The following TMPRSS11F variants were observed in gnomAD, a reference collection of about 807,000 sequenced individuals.
TMPRSS11F encodes transmembrane protease serine 11F.
A neutral mutation model predicts 60.2 loss-of-function variants in TMPRSS11F; 47 were observed. That is an observed-to-expected ratio of 0.78 (90% CI 0.62 to 1.00). TMPRSS11F has a LOEUF of 1.00. Among genes scored for constraint, TMPRSS11F ranks in the 50% least tolerant of loss-of-function variants. TMPRSS11F has a pLI of 0.00. For synonymous variants in TMPRSS11F, 166 were observed against 167.3 expected (o/e 0.99, Z 0.06); for missense variants, 519 against 522.9 (o/e 0.99, Z 0.07).
At chr4:68,088,145 C>T (rs1723854390) in intron 3 of TMPRSS11F, among the ~76,000 whole-genome samples, 1 of 151,716 alleles carries the variant, frequency 6.6e-6, no homozygotes, top group African/African-American at 2.4e-5. Flanking sequence ...ATTCAGGAAA[C>T]CCATCTCATG....
chr4:68,121,055 A>G (rs1329569462), intron 1 of TMPRSS11F, among the ~76,000 whole-genome samples: 1 of 152,190 alleles, frequency 6.6e-6, no homozygotes, highest in African/African-American at 2.4e-5. Flanking sequence ...AGAACCTGCA[A>G]TATCTTCAGG....
chr4:68,077,172 G>A (rs1723602445), intron 3 of TMPRSS11F: 1 of 152,254 alleles, frequency 6.6e-6, no homozygotes, highest in African/African-American at 2.4e-5. Flanking sequence ...TATATACCAT[G>A]AGCATACTGG....
intron 3 of TMPRSS11F, among the ~76,000 whole-genome samples, chr4:68,078,108 A>AC (rs1374011136): frequency 2.0e-5 from 3 of 151,916 alleles, no homozygotes; most frequent in African/African-American, 7.3e-5. Flanking sequence ...GCCTTTGGCA[A>AC]CCCCCATCCC....
chr4:68,109,219 C>T (rs1724360325), intron 1 of TMPRSS11F, among the ~76,000 whole-genome samples: 1 of 152,100 alleles, frequency 6.6e-6, no homozygotes, highest in African/African-American at 2.4e-5. Flanking sequence ...ATTCTAGGTG[C>T]TGGGTATTCT....
chr4:68,078,146 T>C lies in TMPRSS11F; in HGVS notation c.283-4137A>G, dbSNP rs371043346. Reference sequence around the variant, plus strand: ...CCTTACTCCCACCTGCTTAACTCTTTTGTAACCCCTCCCCTGATCCTGGTC... The same window carrying C: ...CCTTACTCCCACCTGCTTAACTCTTCTGTAACCCCTCCCCTGATCCTGGTC... On this transcript the variant is annotated intron_variant, in intron 3 of 9. Coordinates refer to ENST00000356291, the MANE Select transcript of TMPRSS11F (RefSeq NM_207407.2). Among the ~76,000 whole-genome samples the C allele has an allele frequency of 5.0e-4, 76 of 152,280 alleles. 2 individuals carry two copies. In the South Asian group the frequency reaches 0.013, roughly 26 times the overall value.
chr4:68,110,956 A>G (rs904226641), intron 1 of TMPRSS11F, among the ~76,000 whole-genome samples: 49 of 152,154 alleles, frequency 3.2e-4, no homozygotes, highest in Non-Finnish European at 1.0e-4. Flanking sequence ...CTCTTTAACC[A>G]TTCTTCAAAA....
chr4:68,091,404 T>G (rs964628096), intron 2 of TMPRSS11F, among the ~76,000 whole-genome samples: 2 of 152,088 alleles, frequency 1.3e-5, no homozygotes, highest in Non-Finnish European at 2.9e-5. Flanking sequence ...TAAGTACTTT[T>G]TGGTAATCTT....
Position 68,112,301 on chromosome 4 carries a change from C to T in TMPRSS11F, c.12-13263G>A, listed in dbSNP as rs757483239. Among the ~76,000 whole-genome samples the T allele has an allele frequency of 2.6e-3, 398 of 152,012 alleles. 1 individual carries two copies. Among genetic ancestry groups the T allele is most frequent in the Non-Finnish European group, 4.1e-3 (279 of 67,926 alleles). ...TGGGCCCCATCGGCACTGTTTTTTT[C>T]CTACTTCCCTACACTCAAATCCTAT... On this transcript the variant is annotated intron_variant, in intron 1 of 9. Coordinates refer to ENST00000356291, the MANE Select transcript of TMPRSS11F (RefSeq NM_207407.2).
At chr4:68,114,992 A>C (rs1441084501) in intron 1 of TMPRSS11F, among the ~76,000 whole-genome samples, 34 of 1,560 alleles carry the variant, frequency 0.022, no homozygotes, top group African/African-American at 0.033. Flanking sequence ...TCATTATTTA[A>C]AAAAAAAAAA....
rs200971626 is a variant in TMPRSS11F, at chr4:68,101,261, CA to C, written c.12-2224del. Among the ~76,000 whole-genome samples the C allele has an allele frequency of 3.9e-5, 6 of 151,990 alleles. No individual in the cohort carries two copies. The East Asian group carries it at 1.2e-3, about 29-fold the overall frequency. On this transcript the variant is annotated intron_variant, in intron 1 of 9. Coordinates refer to ENST00000356291, the MANE Select transcript of TMPRSS11F (RefSeq NM_207407.2). ...ATGTGGAAGTTGAAATAAGTTTTAC[CA>C]AATGCCCATTTATGTGTTTTGAAGT...
At chr4:68,055,819 C>A (rs1348890228) in intron 9 of TMPRSS11F, among the ~76,000 whole-genome samples, 1 of 152,020 alleles carries the variant, frequency 6.6e-6, no homozygotes, top group Non-Finnish European at 1.5e-5. Context: ...ACTCATGAAC[C>A]AAATTCAAAT....
chr4:68,073,990 T>C lies in TMPRSS11F; in HGVS notation c.302A>G (p.His101Arg), dbSNP rs1723534305. Residue 101 changes from histidine (H) to arginine (R), a missense_variant, in exon 4 of 10, where the codon CAT becomes CGT. His to Arg is a conservative substitution (Grantham distance 29, BLOSUM62 0). Coordinates refer to ENST00000356291, the MANE Select transcript of TMPRSS11F (RefSeq NM_207407.2). ...IERMMSRIFR[H>R]SSVGGRFIKS... ...GATAAATCGACCGCCTACAGAAGAA[T>C]GTCGAAATATCCTAGACATCTGATT... is the stretch of plus-strand genomic sequence containing the variant. The C allele has an allele frequency of 6.3e-7, 1 of 1,582,188 alleles. No homozygotes were observed. Among genetic ancestry groups the C allele is most frequent in the African/African-American group, 1.4e-5 (1 of 73,390 alleles).
At chr4:68,099,141 A>C in intron 1 of TMPRSS11F, 103 bp from the exon 2 acceptor site, 1 of 948,336 alleles carries the variant, frequency 1.1e-6, no homozygotes, top group Non-Finnish European at 1.5e-6. Context: ...ACTGCTAAAT[A>C]ACAGTGAGCA....
intron 2 of TMPRSS11F, among the ~76,000 whole-genome samples, chr4:68,096,281 TAATC>T (rs918534022): frequency 1.2e-4 from 19 of 152,330 alleles, no homozygotes; most frequent in African/African-American, 3.8e-4. Flanking sequence ...TTTGAGGAAA[TAATC>T]AATAAGAATC....
At chr4:68,093,753 C>G (rs1227471596) in intron 2 of TMPRSS11F, among the ~76,000 whole-genome samples, 1 of 151,888 alleles carries the variant, frequency 6.6e-6, no homozygotes, top group African/African-American at 2.4e-5. Context: ...TGAACAGACA[C>G]ATCTCAAAAG....
chr4:68,081,018 T>C (rs556531818), intron 3 of TMPRSS11F: 1 of 152,334 alleles, frequency 6.6e-6, no homozygotes, highest in East Asian at 1.9e-4. Context: ...GTATTGCAAA[T>C]GTTAATCTCT....
intron 8 of TMPRSS11F, among the ~76,000 whole-genome samples, chr4:68,064,294 C>G (rs1723273971): frequency 6.6e-6 from 1 of 151,718 alleles, no homozygotes. Flanking sequence ...AAGCAATTCT[C>G]CTGCCTCAAC....
rs1223204877 is a variant in TMPRSS11F, at chr4:68,068,306, A to C, written c.755+312T>G. ...AGCTGACTTTCTTCTTGAGTATGTA[A>C]AAGAGATTAAACTTGTTACATGTGT... On this transcript the variant is annotated intron_variant, in intron 7 of 9. Transcript: ENST00000356291. 2.0e-5 allele frequency among the ~76,000 whole-genome samples: 3 copies of C among 152,180 alleles called. No homozygotes were observed. In the East Asian group the frequency reaches 5.8e-4, roughly 29 times the overall value.
intron 1 of TMPRSS11F, among the ~76,000 whole-genome samples, chr4:68,106,793 A>G (rs796914640): frequency 4.6e-5 from 7 of 152,266 alleles, no homozygotes; most frequent in East Asian, 1.9e-4. Flanking sequence ...TCTTATTTAC[A>G]TAATAGAATA....
Sources: gnomAD v4.1 joint callset for allele counts (sites outside exome capture counted in the v4.1 genomes callset) on GRCh38, gnomAD v4.1.1 for gene constraint, MANE v1.5 for transcripts, NCBI Gene and HGNC (gene_info 2026-07-23, HGNC 2026-07-21) for gene names.